Variants in SPARCL1 observed in about 807,000 individuals in gnomAD.
SPARCL1 encodes the protein SPARC-like protein 1.
SPARCL1 carries 52 observed loss-of-function variants against 67.1 expected under a neutral mutation model. The ratio of observed to expected loss-of-function variants is 0.78; its 90% CI spans 0.62 to 0.98. The LOEUF is 0.98. Ranked by LOEUF, SPARCL1 falls within the 50% of genes least tolerant of loss-of-function variation. SPARCL1 has a pLI of 0.00. For synonymous variants in SPARCL1, 226 were observed against 267.8 expected (o/e 0.84, Z 1.52); for missense variants, 717 against 782.4 (o/e 0.92, Z 1.00).
chr4:87,500,026 T>C (rs1193697669), intron 1 of SPARCL1, among the ~76,000 whole-genome samples: 1 of 152,144 alleles, frequency 6.6e-6, no homozygotes, highest in Non-Finnish European at 1.5e-5. Flanking sequence ...ACCTAGAGGG[T>C]ATTAATGTTC....
chr4:87,502,050 T>C (rs4693821), intron 1 of SPARCL1, among the ~76,000 whole-genome samples: 65,602 of 151,264 alleles, frequency 0.43, 14,952 homozygotes, highest in East Asian at 0.75. Flanking sequence ...GTGATCTGCC[T>C]GCCTCAGCCC....
At chr4:87,483,302 G>A (rs973288820) in intron 7 of SPARCL1, among the ~76,000 whole-genome samples, 2 of 152,038 alleles carry the variant, frequency 1.3e-5, no homozygotes, top group Non-Finnish European at 2.9e-5. Flanking sequence ...TGTTTTCACT[G>A]TTCAACTCCC....
intron 1 of SPARCL1, among the ~76,000 whole-genome samples, chr4:87,506,755 T>C (rs534698192): frequency 2.4e-5 from 3 of 126,008 alleles, no homozygotes; most frequent in African/African-American, 6.1e-5. Flanking sequence ...AACTAAGTCC[T>C]CATTATCTAT....
At chr4:87,511,562 A>C (rs1725356517) in intron 1 of SPARCL1, among the ~76,000 whole-genome samples, 1 of 152,196 alleles carries the variant, frequency 6.6e-6, no homozygotes, top group Admixed American at 6.5e-5. Flanking sequence ...AACCCTGGGG[A>C]GTGAAGATCA....
At chr4:87,482,343 G>T in intron 8 of SPARCL1, 81 bp downstream of exon 8, 1 of 1,484,080 alleles carries the variant, frequency 6.7e-7, no homozygotes, top group Admixed American at 1.8e-5. Context: ...AGTATGCAGA[G>T]GTAGGTAGCC....
rs746870722 is a variant in SPARCL1, at chr4:87,493,754, C to CCGCCATCAT, written c.1037_1045dup (p.Asp346_Gly348dup). 237 of 1,613,998 alleles carry CCGCCATCAT rather than the reference C, an allele frequency of 1.5e-4. No individual in the cohort carries two copies. Among genetic ancestry groups the CCGCCATCAT allele is most frequent in the Non-Finnish European group, 2.0e-4 (234 of 1,180,000 alleles). ...TGCACTGTGCCTGGGGCCATCAGTG[C>CCGCCATCAT]CGCCATCATCGCCATCATCATCGCC... On this transcript the variant is annotated inframe_insertion, in exon 4 of 11. Transcript: ENST00000282470.
Position 87,495,051 on chromosome 4 carries a change from C to T in SPARCL1, c.131G>A (p.Ser44Asn), listed in dbSNP as rs1724561557. The T allele has an allele frequency of 5.0e-6, 8 of 1,612,940 alleles. No individual in the cohort carries two copies. Among genetic ancestry groups the T allele is most frequent in the Admixed American group, 1.7e-5 (1 of 59,784 alleles). Residue 44 changes from serine (S) to asparagine (N), a missense_variant, in exon 3 of 11, where the codon AGT (serine) becomes AAT (asparagine). Ser to Asn is a conservative substitution (Grantham distance 46). Coordinates refer to ENST00000282470, the MANE Select transcript of SPARCL1 (RefSeq NM_004684.6). The stretch of plus-strand genomic sequence containing the variant: ...ATTTTCTTCAGCTTCAGCCCTTAAA[C>T]TGGGGATTGCAGTGTTGTCAGGTGC... ...TVAPDNTAIP[S>N]LRAEAEENEK...
At position 87,493,744 on chromosome 4, in the gene SPARCL1, G is replaced by A; in HGVS notation, c.1056C>T (p.Gly352=). ...AGTCATCACTTGCACTGTGCCTGGG[G>A]CCATCAGTGCCGCCATCATCGCCAT... The part of the protein sequence containing the change: ...DDDGDDGGTD[G]PRHSASDDYF... The change falls in exon 4 of 11, where the codon GGC becomes GGT. Residue 352 remains glycine (G), a synonymous_variant. Transcript: ENST00000282470. 1.2e-6 allele frequency: 2 copies of A among 1,614,116 alleles called. No homozygotes were observed. The highest frequency in any genetic ancestry group is 1.7e-5 in the Admixed American group (1 of 60,020).
At chr4:87,490,489 G>T in intron 6 of SPARCL1, 96 bp from the exon 7 acceptor site, 1 of 1,391,510 alleles carries the variant, frequency 7.2e-7, no homozygotes, top group Non-Finnish European at 9.7e-7. Context: ...ACAGCGCTGT[G>T]CCAAAGATGT....
chr4:87,520,703 T>A (rs1293489194), intron 1 of SPARCL1, among the ~76,000 whole-genome samples: 1 of 152,198 alleles, frequency 6.6e-6, no homozygotes, highest in South Asian at 2.1e-4. Flanking sequence ...AAGGAAGTTG[T>A]AATTGGATTT....
At position 87,499,610 on chromosome 4, in the gene SPARCL1, A is replaced by C. The variant is rs763053077; in HGVS notation, c.-11-25T>G. On this transcript the variant is annotated intron_variant, in intron 1 of 10. Transcript: ENST00000282470. ...TCTGTGAACCAAGAAGATAATTATC[A>C]GTGGCAGGGAAAAGTTTCCTCATGA... 22 of 1,556,134 alleles carry C rather than the reference A, an allele frequency of 1.4e-5. No homozygotes were observed. In the South Asian group the frequency reaches 2.4e-4, roughly 17 times the overall value.
chr4:87,475,012 G>A (rs943407312), intron 10 of SPARCL1, among the ~76,000 whole-genome samples: 3 of 152,176 alleles, frequency 2.0e-5, no homozygotes, highest in Non-Finnish European at 4.4e-5. Context: ...AAAGTGCTGG[G>A]ATTACAGGCG....
At chr4:87,482,587 A>C (rs752538317) in intron 7 of SPARCL1, 27 bp from the exon 8 acceptor site, 2 of 1,613,016 alleles carry the variant, frequency 1.2e-6, no homozygotes, top group African/African-American at 2.7e-5. Flanking sequence ...ATGTACTGTA[A>C]TCTTTGGGCT....
intron 1 of SPARCL1, among the ~76,000 whole-genome samples, chr4:87,511,276 A>G (rs1015891130): frequency 1.3e-5 from 2 of 152,242 alleles, no homozygotes; most frequent in Admixed American, 1.3e-4. Context: ...ATATTGTAGG[A>G]ATATGAGAAG....
intron 1 of SPARCL1, among the ~76,000 whole-genome samples, chr4:87,503,146 A>C (rs951850743): frequency 6.6e-6 from 1 of 152,208 alleles, no homozygotes; most frequent in African/African-American, 2.4e-5. Context: ...GTGTTGAAAC[A>C]TGGAAGTCCC....
intron 1 of SPARCL1, among the ~76,000 whole-genome samples, chr4:87,503,899 C>T (rs749154031): frequency 2.6e-5 from 4 of 151,786 alleles, no homozygotes; most frequent in African/African-American, 2.4e-5. Context: ...AGGCTGGTCT[C>T]GAACTCCTGG....
intron 6 of SPARCL1, 31 bp downstream of exon 6, chr4:87,490,729 C>A: frequency 7.3e-7 from 1 of 1,364,498 alleles, no homozygotes; most frequent in Non-Finnish European, 1.0e-6. Flanking sequence ...CCTTTTGGAG[C>A]CACTTAAAGA....
chr4:87,490,709 C>A, intron 6 of SPARCL1, 51 bp downstream of exon 6: 1 of 1,203,260 alleles, frequency 8.3e-7, no homozygotes, highest in South Asian at 1.4e-5. Context: ...ATTTTTATTT[C>A]AGTCACTAAC....
At chr4:87,495,531 C>G (rs1404738188) in intron 2 of SPARCL1, among the ~76,000 whole-genome samples, 3 of 152,012 alleles carry the variant, frequency 2.0e-5, no homozygotes, top group Admixed American at 1.3e-4. Flanking sequence ...GTACATTTGC[C>G]TAATTTAAGT....
Sources: allele counts gnomAD v4.1 joint callset (sites outside exome capture counted in the v4.1 genomes callset), GRCh38; gene constraint gnomAD v4.1.1; transcripts MANE v1.5; gene names NCBI Gene and HGNC (gene_info 2026-07-23, HGNC 2026-07-21).